AACS: variants seen among roughly 807,000 people sequenced by gnomAD.
AACS encodes acetoacetyl-CoA synthetase.
In AACS, 69 loss-of-function variants were observed where a neutral mutation model predicts 83.1. The ratio of observed to expected loss-of-function variants is 0.83; its 90% CI spans 0.68 to 1.01. AACS has a LOEUF of 1.01. Among genes scored for constraint, AACS ranks in the 50% least tolerant of loss-of-function variants. The probability of loss-of-function intolerance (pLI) is 0.00; values close to 1 mark genes in which losing one functional copy is unlikely to be tolerated. For missense variants in AACS, 866 were observed against 882.2 expected, an observed-to-expected ratio of 0.98 and a Z score of 0.23; for synonymous variants, 333 against 343.4, an observed-to-expected ratio of 0.97 and a Z score of 0.33.
At position 125,091,442 on chromosome 12, in the gene AACS, T is replaced by A. The variant is rs370916743; in HGVS notation, c.489T>A (p.Ser163Arg). ...GDRVVGYLPN[S>R]EHAVEAMLAA... ...TCTCCACAGGTTATTTACCCAACAG[T>A]GAGCACGCTGTCGAGGCGATGCTGG... Residue 163 changes from serine to arginine, a missense_variant, in exon 5 of 18, where the codon AGT becomes AGA. Transcript: ENST00000316519. 169 of 1,614,220 alleles carry A rather than the reference T, an allele frequency of 1.0e-4. 1 individual carries two copies. The highest frequency in any genetic ancestry group is 1.1e-4 in the Non-Finnish European group (133 of 1,180,030).
chr12:125,084,152 A>AC (rs1956270358), intron 3 of AACS, among the ~76,000 whole-genome samples: 1 of 151,112 alleles, frequency 6.6e-6, no homozygotes, highest in African/African-American at 2.4e-5. Context: ...ACGTGGTGAA[A>AC]CCCCATCTCT....
At position 125,065,580 on chromosome 12, in the gene AACS, C is replaced by T. The variant is rs1405361325; in HGVS notation, c.-5C>T. 3 of 1,509,440 alleles carry T rather than the reference C, an allele frequency of 2.0e-6. No individual in the cohort carries two copies. The African/African-American group carries it at 4.4e-5, about 22-fold the overall frequency. 93.5% of individuals were successfully genotyped at this position (1,509,440 alleles called of 1,614,324 possible). A position where few individuals can be genotyped will look rare whatever the true frequency, so the allele number is the denominator to read the frequency against. ...TCGTCGCAGCCCCGGCCGCCCGCCG[C>T]CGCCATGTCCAAGGAGGAGCGCCCC... On this transcript the variant is annotated 5_prime_UTR_variant, in exon 1 of 18. Coordinates refer to ENST00000316519, the MANE Select transcript of AACS (RefSeq NM_023928.5).
intron 4 of AACS, among the ~76,000 whole-genome samples, chr12:125,089,254 C>T (rs877405): frequency 2.6e-5 from 4 of 152,154 alleles, no homozygotes; most frequent in Non-Finnish European, 5.9e-5. Flanking sequence ...ACCCCTGCCC[C>T]TTGGATGCTT....
At chr12:125,084,321 A>G (rs1956276196) in intron 3 of AACS, among the ~76,000 whole-genome samples, 1 of 151,710 alleles carries the variant, frequency 6.6e-6, no homozygotes, top group African/African-American at 2.4e-5. Context: ...CCATCTCAAA[A>G]AAAAAAAGGA....
chr12:125,117,428 T>G (rs78713383), intron 9 of AACS: 1 of 148,652 alleles, frequency 6.7e-6, no homozygotes, highest in South Asian at 2.1e-4. Context: ...AAAAAAAAAA[T>G]GTTTCTCCAT....
At position 125,124,925 on chromosome 12, in the gene AACS, C is replaced by A. The variant is rs1217455494; in HGVS notation, c.1210C>A (p.Leu404Ile). The change falls in exon 12 of 18, where the codon CTC becomes ATC. Residue 404 changes from leucine to isoleucine, a missense_variant. By Grantham distance (5) the Leu-to-Ile change is conservative. Coordinates refer to ENST00000316519, the MANE Select transcript of AACS (RefSeq NM_023928.5). The stretch of plus-strand genomic sequence containing the variant: ...AGTGGAAACCCACAGTCTCCAGATG[C>A]TCCACACGATCCTGTCCACTGGCTC... ...KPVETHSLQM[L>I]HTILSTGSPL... 3.1e-6 allele frequency: 5 copies of A among 1,614,122 alleles called. No individual in the cohort carries two copies. Among genetic ancestry groups the A allele is most frequent in the East Asian group, 4.5e-5 (2 of 44,896 alleles).
At chr12:125,095,677 G>C (rs920915985) in intron 5 of AACS, among the ~76,000 whole-genome samples, 2 of 152,300 alleles carry the variant, frequency 1.3e-5, no homozygotes, top group South Asian at 4.1e-4. Context: ...TATTCTTGAC[G>C]CTGGGCTTTG....
Position 125,094,423 on chromosome 12 carries a change from T to A in AACS, c.570+2900T>A, listed in dbSNP as rs920526309. On this transcript the variant is annotated intron_variant, in intron 5 of 17. Transcript: ENST00000316519. This position sits in a 1 kb window ranked among gnomAD's most constrained non-coding sequence, Gnocchi z 4.1. ...CTACAAATCCTGTGTTGACTTCTGG[T>A]CTCTGTTGATGGAGTCGCACCGTTG... Among the ~76,000 whole-genome samples, 7 of 152,170 alleles carry A rather than the reference T, an allele frequency of 4.6e-5. No homozygotes were observed. The highest frequency in any genetic ancestry group is 1.7e-4 in the African/African-American group (7 of 41,432).
intron 4 of AACS, 83 bp downstream of exon 4, chr12:125,086,526 A>G: frequency 7.9e-7 from 1 of 1,262,496 alleles, no homozygotes; most frequent in South Asian, 1.2e-5. Flanking sequence ...CGGCTTTCAA[A>G]TAAGGGGGAG....
intron 3 of AACS, among the ~76,000 whole-genome samples, chr12:125,082,528 A>G (rs972558840): frequency 7.2e-6 from 1 of 138,530 alleles, no homozygotes; most frequent in Non-Finnish European, 1.5e-5. Context: ...TTCACTTTCT[A>G]AAAGAGACAA....
chr12:125,133,967 C>G (rs758726407), intron 14 of AACS, 36 bp from the exon 15 acceptor site: 36 of 1,611,626 alleles, frequency 2.2e-5, no homozygotes, highest in Non-Finnish European at 3.1e-5. Flanking sequence ...GGCCCCTTCT[C>G]CTCGGGATGA....
rs1957290717 is a variant in AACS at position 125,129,206 on chromosome 12, G to A, written c.1424-129G>A. On this transcript the variant is annotated intron_variant, in intron 13 of 17. Coordinates refer to ENST00000316519, the MANE Select transcript of AACS (RefSeq NM_023928.5). This position sits in a 1 kb window ranked among gnomAD's most constrained non-coding sequence, Gnocchi z 4.3. ...CTGCTGTGACAGGTGTGTGGGCGTG[G>A]ACCATCTCTGTACCTTTGTATATGT... The A allele has an allele frequency of 2.3e-6, 3 of 1,318,010 alleles. No homozygotes were observed. The East Asian group carries it at 8.3e-5, about 37-fold the overall frequency. The allele number at this position is 1,318,010 out of a possible 1,614,324, so 81.6% of individuals were successfully genotyped here.
chr12:125,090,219 C>T (rs1407002828), intron 4 of AACS, among the ~76,000 whole-genome samples: 265 of 11,282 alleles, frequency 0.023, 109 homozygotes, highest in Middle Eastern at 0.042. Flanking sequence ...ATCCATCTAT[C>T]CATCCATTTA....
chr12:125,081,729 T>G (rs1423446346), intron 3 of AACS, among the ~76,000 whole-genome samples: 1 of 152,078 alleles, frequency 6.6e-6, no homozygotes, highest in African/African-American at 2.4e-5. Flanking sequence ...TTTTGAAGAG[T>G]AGCTATCAGC....
intron 9 of AACS, among the ~76,000 whole-genome samples, chr12:125,115,614 T>A (rs1029698893): frequency 4.6e-5 from 7 of 152,022 alleles, no homozygotes; most frequent in Non-Finnish European, 8.8e-5. Context: ...ACCTGTGAGG[T>A]CAATGCCCAG....
chr12:125,107,733 G>C (rs1956865756), intron 8 of AACS, among the ~76,000 whole-genome samples: 1 of 152,204 alleles, frequency 6.6e-6, no homozygotes, highest in Non-Finnish European at 1.5e-5. Flanking sequence ...ACCTGAGGTG[G>C]GCAGATTGCT....
chr12:125,067,246 G>T (rs1955726470), intron 1 of AACS, among the ~76,000 whole-genome samples: 2 of 152,112 alleles, frequency 1.3e-5, no homozygotes, highest in African/African-American at 4.8e-5. Context: ...GGTGTAGTCT[G>T]TTGCCCCAGG....
intron 3 of AACS, among the ~76,000 whole-genome samples, chr12:125,081,271 G>T (rs1334008339): frequency 1.3e-5 from 2 of 152,230 alleles, no homozygotes; most frequent in Non-Finnish European, 2.9e-5. Context: ...TGGGATTACA[G>T]GCGTGAACCA....
intron 3 of AACS, among the ~76,000 whole-genome samples, chr12:125,084,881 C>T (rs1246686917): frequency 1.3e-5 from 2 of 152,098 alleles, no homozygotes; most frequent in Non-Finnish European, 2.9e-5. Context: ...CCTGCCTAGC[C>T]TTAGTTTTAA....
Sources: gnomAD v4.1 joint callset for allele counts (sites outside exome capture counted in the v4.1 genomes callset) on GRCh38, gnomAD v4.1.1 for gene constraint, Gnocchi (gnomAD v3.1) non-coding constraint, MANE v1.5 for transcripts, NCBI Gene and HGNC (gene_info 2026-07-23, HGNC 2026-07-21) for gene names.